The following VPS13B variants were observed in gnomAD, a reference collection of about 807,000 sequenced individuals.
VPS13B encodes the protein vacuolar protein sorting 13 homolog B.
Under a neutral mutation model 426.4 loss-of-function variants are expected in VPS13B, and 285 were observed. The ratio of observed to expected loss-of-function variants is 0.67; its 90% CI spans 0.61 to 0.74. VPS13B has a LOEUF of 0.74. VPS13B is among the 30% of genes least tolerant of loss of function. The pLI, the probability that VPS13B is intolerant of heterozygous loss-of-function variation, is 0.00. For synonymous variants in VPS13B, 1,676 were observed against 1,676.4 expected (o/e 1.00, Z 0.01); for missense variants, 4,537 against 4,782.6 (o/e 0.95, Z 1.51).
intron 39 of VPS13B, among the ~76,000 whole-genome samples, chr8:99,731,414 A>C (rs1251878215): frequency 6.6e-6 from 1 of 152,220 alleles, no homozygotes; most frequent in Non-Finnish European, 1.5e-5. Flanking sequence ...AAGCAAGTTA[A>C]GGGAGTAAAA....
At chr8:99,057,405 A>G (rs1843939209) in intron 3 of VPS13B, among the ~76,000 whole-genome samples, 1 of 151,604 alleles carries the variant, frequency 6.6e-6, no homozygotes, top group Admixed American at 6.6e-5. Context: ...CTTTCCAAAA[A>G]CTTCACTTTC....
intron 21 of VPS13B, among the ~76,000 whole-genome samples, chr8:99,419,726 C>T (rs915070279): frequency 4.6e-5 from 7 of 151,954 alleles, no homozygotes; most frequent in African/African-American, 1.7e-4. Context: ...TAAATAGGTA[C>T]CTTACACAAA....
rs1821776282 is a variant in VPS13B at position 99,511,293 on chromosome 8, C to T, written c.4414C>T (p.Gln1472Ter). Reference protein sequence around the residue: ...HFLHEILLSAQAFDIVLYFPL... With the variant: ...HFLHEILLSA ...TCTTCATGAAATTCTTCTTTCAGCA[C>T]AAGCTTTTGATATTGTTCTTTATTT... is the stretch of plus-strand genomic sequence containing the variant. Residue 1472 changes from glutamine (Q) to a stop codon, truncating the protein, a stop_gained, in exon 29 of 62, where the codon CAA (glutamine) becomes TAA (stop). Transcript: ENST00000357162. LOFTEE classifies it high-confidence loss of function. The T allele has an allele frequency of 6.2e-7, 1 of 1,613,844 alleles. No individual in the cohort carries two copies.
intron 31 of VPS13B, among the ~76,000 whole-genome samples, chr8:99,572,289 C>A (rs1825516813): frequency 6.6e-6 from 1 of 152,092 alleles, no homozygotes; most frequent in African/African-American, 2.4e-5. Context: ...CATCTTTTAC[C>A]ATGTACTTCC....
intron 17 of VPS13B, among the ~76,000 whole-genome samples, chr8:99,217,935 C>T (rs1815477492): frequency 6.6e-6 from 1 of 152,154 alleles, no homozygotes; most frequent in Non-Finnish European, 1.5e-5. Flanking sequence ...AAACATTTGC[C>T]AGTTTCTGAC....
At chr8:99,823,794 A>T (rs750610289) in intron 50 of VPS13B, 38 bp from the exon 51 acceptor site, 2 of 1,600,958 alleles carry the variant, frequency 1.2e-6, no homozygotes, top group South Asian at 2.2e-5. Flanking sequence ...TATGCCTTAC[A>T]GTATTGTCAA....
At chr8:99,711,305 T>C (rs1416141238) in intron 36 of VPS13B, among the ~76,000 whole-genome samples, 1 of 152,144 alleles carries the variant, frequency 6.6e-6, no homozygotes, top group Non-Finnish European at 1.5e-5. Context: ...TCCTTGTAGG[T>C]ATATGGCAAG....
chr8:99,474,264 C>T (rs1367717665), intron 24 of VPS13B, among the ~76,000 whole-genome samples: 1 of 147,928 alleles, frequency 6.8e-6, no homozygotes, highest in Non-Finnish European at 1.5e-5. Context: ...TCTCGGCTCA[C>T]TGCAACCTCC....
chr8:99,697,302 G>C (rs1379714005), intron 35 of VPS13B: 1 of 576,408 alleles, frequency 1.7e-6, no homozygotes, highest in Non-Finnish European at 3.1e-6. Flanking sequence ...GTTGGAGAAG[G>C]ATGTCGCGCC....
chr8:99,664,520 A>G (rs901594932), intron 35 of VPS13B, among the ~76,000 whole-genome samples: 4 of 151,120 alleles, frequency 2.6e-5, no homozygotes, highest in Admixed American at 2.0e-4. Context: ...TCCTGTGTCT[A>G]TGTGTTCTCA....
At chr8:99,299,561 T>G (rs1201656127) in intron 19 of VPS13B, among the ~76,000 whole-genome samples, 1 of 152,128 alleles carries the variant, frequency 6.6e-6, no homozygotes, top group Non-Finnish European at 1.5e-5. Context: ...GTTTTTTTAT[T>G]GTTGCACCAT....
intron 21 of VPS13B, among the ~76,000 whole-genome samples, chr8:99,425,000 C>A (rs1346849668): frequency 2.0e-5 from 3 of 152,156 alleles, no homozygotes; most frequent in African/African-American, 7.2e-5. Flanking sequence ...ATACACCCTT[C>A]CAAGTCTAAA....
intron 26 of VPS13B, among the ~76,000 whole-genome samples, chr8:99,502,274 A>G (rs1481612850): frequency 1.3e-5 from 2 of 152,280 alleles, no homozygotes; most frequent in South Asian, 2.1e-4. Flanking sequence ...ATGAGCCACC[A>G]TGCCCGGCCT....
chr8:99,857,618 G>A (rs1391433993), intron 56 of VPS13B, among the ~76,000 whole-genome samples: 1 of 152,094 alleles, frequency 6.6e-6, no homozygotes, highest in Non-Finnish European at 1.5e-5. Flanking sequence ...ATCATCCAGG[G>A]GACTGTGAGC....
chr8:99,576,755 TG>T (rs1825796514), intron 32 of VPS13B, among the ~76,000 whole-genome samples: 1 of 152,200 alleles, frequency 6.6e-6, no homozygotes, highest in African/African-American at 2.4e-5. Context: ...TTTCCTTGTC[TG>T]AACGGTTTTC....
chr8:99,417,250 T>C (rs1816072320), intron 21 of VPS13B, among the ~76,000 whole-genome samples: 1 of 152,186 alleles, frequency 6.6e-6, no homozygotes, highest in Non-Finnish European at 1.5e-5. Context: ...TCCTTATAAA[T>C]AATGATAAAA....
chr8:99,502,875 C>T lies in VPS13B; in HGVS notation c.4082C>T (p.Ser1361Phe). 6.2e-7 allele frequency: 1 copy of T among 1,613,460 alleles called. No individual in the cohort carries two copies. The change falls in exon 27 of 62, where the codon TCC becomes TTC. Residue 1361 changes from serine (S) to phenylalanine (F), a missense_variant. Transcript: ENST00000357162. ...MVSELEDLSA[S>F]IDVQDVYTKV... ...AGTGAACTAGAAGATCTCAGTGCTTCCATAGATGTCCAGGATGTATATACC... is the reference window on the plus strand; with the variant it reads ...AGTGAACTAGAAGATCTCAGTGCTTTCATAGATGTCCAGGATGTATATACC...
intron 17 of VPS13B, among the ~76,000 whole-genome samples, chr8:99,211,250 A>T (rs1253633479): frequency 6.6e-6 from 1 of 152,194 alleles, no homozygotes; most frequent in Non-Finnish European, 1.5e-5. Context: ...CACTCTACTT[A>T]CACTTGAGGA....
intron 31 of VPS13B, among the ~76,000 whole-genome samples, chr8:99,574,096 CTGTT>C (rs1477830791): frequency 4.6e-5 from 7 of 152,076 alleles, no homozygotes; most frequent in African/African-American, 1.7e-4. Context: ...ATTTGGCTCT[CTGTT>C]TGTCTGTTAT....
Sources: allele counts gnomAD v4.1 joint callset (sites outside exome capture counted in the v4.1 genomes callset), GRCh38; gene constraint gnomAD v4.1.1; transcripts MANE v1.5; gene names NCBI Gene and HGNC (gene_info 2026-07-23, HGNC 2026-07-21).